PDE6B: variants seen among roughly 807,000 people sequenced by gnomAD.
The protein encoded by PDE6B is rod cGMP-specific 3',5'-cyclic phosphodiesterase subunit beta.
Under a neutral mutation model 109.0 loss-of-function variants are expected in PDE6B, and 106 were observed. The observed-to-expected ratio is 0.97, with a 90% CI of 0.83 to 1.14. The LOEUF (loss-of-function observed/expected upper bound fraction) is 1.14. Among genes scored for constraint, PDE6B ranks in the 50% most tolerant of loss-of-function variants. PDE6B has a pLI of 0.00. For missense variants in PDE6B, 1,193 were observed against 1,155.6 expected (o/e 1.03, Z -0.47); for synonymous variants, 490 against 471.3 (o/e 1.04, Z -0.51).
intron 3 of PDE6B, among the ~76,000 whole-genome samples, chr4:637,698 G>C (rs1336784276): frequency 6.6e-6 from 1 of 152,252 alleles, no homozygotes; most frequent in African/African-American, 2.4e-5. Context: ...CTCTCGTCCG[G>C]CACAGCGAGA....
rs377055936 is a variant in PDE6B, at chr4:658,026, T to A, written c.1401+532T>A. 2.1e-3 allele frequency among the ~76,000 whole-genome samples: 272 copies of A among 132,492 alleles called. 2 individuals are homozygous for A. The highest frequency in any genetic ancestry group is 7.6e-3 in the African/African-American group (257 of 33,836). The allele number at this position is 132,492 out of a possible 152,430, so 86.9% of individuals were successfully genotyped here. A position where few individuals can be genotyped will look rare whatever the true frequency, so the allele number is the denominator to read the frequency against. On this transcript the variant is annotated intron_variant, in intron 10 of 21. Coordinates refer to ENST00000496514, the MANE Select transcript of PDE6B (RefSeq NM_000283.4). The stretch of plus-strand genomic sequence containing the variant: ...GTCATGGCTGTGCGGTGGGGGCAGG[T>A]CATCCAGGGGTCACGGCTGTGTGGT...
chr4:645,749 C>G (rs1735171756), intron 3 of PDE6B, among the ~76,000 whole-genome samples: 1 of 151,720 alleles, frequency 6.6e-6, no homozygotes, highest in African/African-American at 2.4e-5. Flanking sequence ...ATCCCACACT[C>G]TCTCCTCTCT....
At chr4:647,514 T>C (rs756700733) in intron 3 of PDE6B, among the ~76,000 whole-genome samples, 4 of 152,072 alleles carry the variant, frequency 2.6e-5, no homozygotes, top group Non-Finnish European at 5.9e-5. Context: ...CTGACACTTC[T>C]GGAGGCTGTG....
At chr4:640,478 G>A (rs937605678) in intron 3 of PDE6B, among the ~76,000 whole-genome samples, 1 of 152,140 alleles carries the variant, frequency 6.6e-6, no homozygotes, top group Admixed American at 6.5e-5. Context: ...GACAGAGGTT[G>A]CAGTGAGCTG....
chr4:662,497 C>A lies in PDE6B; in HGVS notation c.1723-12C>A, dbSNP rs753046451. 6.3e-7 allele frequency: 1 copy of A among 1,578,980 alleles called. No homozygotes were observed. The highest frequency in any genetic ancestry group is 1.1e-5 in the South Asian group (1 of 90,420). On this transcript the variant is annotated splice_polypyrimidine_tract_variant and intron_variant, in intron 13 of 21. Coordinates refer to ENST00000496514, the MANE Select transcript of PDE6B (RefSeq NM_000283.4). This position sits in a 1 kb window ranked among gnomAD's most constrained non-coding sequence, Gnocchi z 4.3. ...GCCAGGACCGGTGAGCAAGGTGGCC[C>A]TGTCTCTACAGACCGGCAAACTGAA... is the stretch of plus-strand genomic sequence containing the variant.
chr4:670,191 A>C lies in PDE6B; in HGVS notation c.*84A>C, dbSNP rs756947084. ...TCTGCCTGTGGCTATTTGCTACAAGAGGTTAGGAAGCCCAAGAAAATGACT... is the reference window on the plus strand; with the variant it reads ...TCTGCCTGTGGCTATTTGCTACAAGCGGTTAGGAAGCCCAAGAAAATGACT... On this transcript the variant is annotated 3_prime_UTR_variant, in exon 22 of 22. Coordinates refer to ENST00000496514, the MANE Select transcript of PDE6B (RefSeq NM_000283.4). 6.3e-7 allele frequency: 1 copy of C among 1,587,220 alleles called. No individual in the cohort carries two copies. The highest frequency in any genetic ancestry group is 2.3e-5 in the East Asian group (1 of 44,158).
At chr4:641,537 A>G (rs28469188) in intron 3 of PDE6B, among the ~76,000 whole-genome samples, 32,590 of 152,214 alleles carry the variant, frequency 0.21, 4,195 homozygotes, top group African/African-American at 0.35. Context: ...ACCAAGGTCT[A>G]TTGGGCTGTG....
chr4:662,083 C>T lies in PDE6B; in HGVS notation c.1615-51C>T, dbSNP rs1420778154. 1.3e-5 allele frequency: 11 copies of T among 868,502 alleles called. No homozygotes were observed. Among genetic ancestry groups the T allele is most frequent in the African/African-American group, 3.3e-5 (2 of 59,966 alleles). 53.8% of individuals were successfully genotyped at this position (868,502 alleles called of 1,614,324 possible). On this transcript the variant is annotated intron_variant, in intron 12 of 21. Coordinates refer to ENST00000496514, the MANE Select transcript of PDE6B (RefSeq NM_000283.4). This position sits in a 1 kb window ranked among gnomAD's most constrained non-coding sequence, Gnocchi z 4.3. ...AAGTCAGCCACAGGTGCCGCTCTGGCGGGACTTACACGCTTGCCGCCGGAG... is the reference window on the plus strand; with the variant it reads ...AAGTCAGCCACAGGTGCCGCTCTGGTGGGACTTACACGCTTGCCGCCGGAG...
chr4:649,807 G>A (rs1003537920), intron 3 of PDE6B, among the ~76,000 whole-genome samples: 2 of 152,166 alleles, frequency 1.3e-5, no homozygotes, highest in Non-Finnish European at 2.9e-5. Flanking sequence ...GATCCCATCT[G>A]CCCTGGCCCC....
At position 654,065 on chromosome 4, in the gene PDE6B, CT is replaced by C; in HGVS notation, c.853-14del. The stretch of plus-strand genomic sequence containing the variant: ...CCCGCAGTGACCGCCCCACCCTCAC[CT>C]CTTCTCTGCCCAGGAATTTTTTGAC... On this transcript the variant is annotated splice_polypyrimidine_tract_variant and intron_variant, in intron 4 of 21. Coordinates refer to ENST00000496514, the MANE Select transcript of PDE6B (RefSeq NM_000283.4). 1 of 1,613,862 alleles carries C rather than the reference CT, an allele frequency of 6.2e-7. No homozygotes were observed. The highest frequency in any genetic ancestry group is 8.5e-7 in the Non-Finnish European group (1 of 1,179,968).
At chr4:660,419 G>T in intron 11 of PDE6B, 48 bp from the exon 12 acceptor site, 2 of 1,594,800 alleles carry the variant, frequency 1.3e-6, no homozygotes, top group African/African-American at 1.3e-5. Flanking sequence ...AGAAGCAAGT[G>T]GGGGCTGTGG....
chr4:655,198 A>C, intron 6 of PDE6B: 4 of 446,688 alleles, frequency 9.0e-6, no homozygotes, highest in East Asian at 4.5e-5. Context: ...GTCAGCAACA[A>C]TTGAGCATGA....
chr4:646,604 T>A (rs1457841245), intron 3 of PDE6B, among the ~76,000 whole-genome samples: 1 of 152,094 alleles, frequency 6.6e-6, no homozygotes, highest in East Asian at 1.9e-4. Context: ...TCGCACCTTC[T>A]GTATTTGTCT....
Position 662,068 on chromosome 4 carries a change from C to A in PDE6B, c.1615-66C>A. On this transcript the variant is annotated intron_variant, in intron 12 of 21. Coordinates refer to ENST00000496514, the MANE Select transcript of PDE6B (RefSeq NM_000283.4). This position sits in a 1 kb window ranked among gnomAD's most constrained non-coding sequence, Gnocchi z 4.3. Reference sequence around the variant, plus strand: ...AGGGCTTCCACTGTGAAGTCAGCCACAGGTGCCGCTCTGGCGGGACTTACA... The same window carrying A: ...AGGGCTTCCACTGTGAAGTCAGCCAAAGGTGCCGCTCTGGCGGGACTTACA... 1.3e-6 allele frequency: 1 copy of A among 774,510 alleles called. No homozygotes were observed. Among genetic ancestry groups the A allele is most frequent in the Non-Finnish European group, 2.3e-6 (1 of 438,426 alleles). The allele number at this position is 774,510 out of a possible 1,614,324, so 48.0% of individuals were successfully genotyped here.
At chr4:628,197 G>T (rs760220564) in intron 1 of PDE6B, among the ~76,000 whole-genome samples, 22 of 138,540 alleles carry the variant, frequency 1.6e-4, no homozygotes, top group African/African-American at 3.6e-4. Context: ...GAAGTGCAAA[G>T]CCTCATGAAG....
At chr4:657,156 G>C in intron 9 of PDE6B, 133 bp downstream of exon 9, 1 of 1,176,002 alleles carries the variant, frequency 8.5e-7, no homozygotes, top group Non-Finnish European at 1.3e-6. Context: ...CATGCGGCCA[G>C]GGAGAGGACG....
At position 662,561 on chromosome 4, in the gene PDE6B, C is replaced by T. The variant is rs747684283; in HGVS notation, c.1775C>T (p.Thr592Ile). ...YTDLEAFAMV[T>I]AGLCHDIDHR... Reference sequence around the variant, plus strand: ...GACCTGGAGGCCTTCGCCATGGTGACAGCCGGCCTGTGCCATGACATCGAC... The same window carrying T: ...GACCTGGAGGCCTTCGCCATGGTGATAGCCGGCCTGTGCCATGACATCGAC... Residue 592 changes from threonine to isoleucine, a missense_variant, in exon 14 of 22, where the codon ACA becomes ATA. Physicochemically the swap from Thr to Ile is moderately conservative, Grantham distance 89. Transcript: ENST00000496514. This position sits in a 1 kb window ranked among gnomAD's most constrained non-coding sequence, Gnocchi z 4.3. 1 of 1,613,126 alleles carries T rather than the reference C, an allele frequency of 6.2e-7. No homozygotes were observed. Among genetic ancestry groups the T allele is most frequent in the Non-Finnish European group, 8.5e-7 (1 of 1,179,856 alleles).
Position 662,499 on chromosome 4 carries a change from GTC to G in PDE6B, c.1723-6_1723-5del, listed in dbSNP as rs758506008. The G allele has an allele frequency of 1.3e-5, 21 of 1,588,526 alleles. No homozygotes were observed. Among genetic ancestry groups the G allele is most frequent in the Non-Finnish European group, 1.1e-5 (13 of 1,157,492 alleles). ...CAGGACCGGTGAGCAAGGTGGCCCTGTCTCTACAGACCGGCAAACTGAAGAGC... is the reference window on the plus strand; with the variant it reads ...CAGGACCGGTGAGCAAGGTGGCCCTGTCTACAGACCGGCAAACTGAAGAGC... On this transcript the variant is annotated splice_region_variant and splice_polypyrimidine_tract_variant and intron_variant, in intron 13 of 21. Coordinates refer to ENST00000496514, the MANE Select transcript of PDE6B (RefSeq NM_000283.4). This position sits in a 1 kb window ranked among gnomAD's most constrained non-coding sequence, Gnocchi z 4.3.
intron 3 of PDE6B, chr4:653,527 G>A: frequency 2.1e-6 from 1 of 481,416 alleles, no homozygotes. Flanking sequence ...TTCTGGAGCA[G>A]CCGGGCGGAG....
Sources: gnomAD v4.1 joint callset for allele counts (sites outside exome capture counted in the v4.1 genomes callset) on GRCh38, gnomAD v4.1.1 for gene constraint, Gnocchi (gnomAD v3.1) non-coding constraint, MANE v1.5 for transcripts, NCBI Gene and HGNC (gene_info 2026-07-23, HGNC 2026-07-21) for gene names.